The following NXN variants were observed in gnomAD, a reference collection of about 807,000 sequenced individuals.
The protein encoded by NXN is nucleoredoxin, also known as nucleoredoxin 1.
NXN carries 16 observed loss-of-function variants against 48.6 expected under a neutral mutation model. The ratio of observed to expected loss-of-function variants is 0.33; its 90% CI spans 0.22 to 0.50. NXN has a LOEUF of 0.50. Among genes scored for constraint, NXN ranks in the 20% least tolerant of loss-of-function variants. NXN has a pLI of 0.98. For missense variants in NXN, 492 were observed against 605.5 expected (o/e 0.81, Z 1.97); for synonymous variants, 281 against 269.6 (o/e 1.04, Z -0.41).
chr17:933,856 A>G (rs2068878621), intron 1 of NXN, among the ~76,000 whole-genome samples: 1 of 152,094 alleles, frequency 6.6e-6, no homozygotes, highest in Admixed American at 6.6e-5. Flanking sequence ...ATACCAGAAC[A>G]CTTATCAATT....
At chr17:813,127 CAG>C (rs530161516) in intron 5 of NXN, among the ~76,000 whole-genome samples, 4 of 152,372 alleles carry the variant, frequency 2.6e-5, no homozygotes, top group South Asian at 2.1e-4. Context: ...CACAAAAGCT[CAG>C]AAATATTCAG....
chr17:931,426 C>G (rs2068852048), intron 1 of NXN, among the ~76,000 whole-genome samples: 1 of 150,958 alleles, frequency 6.6e-6, no homozygotes, highest in Admixed American at 6.6e-5. Context: ...GCACTCCAGC[C>G]TGGTGACAGA....
intron 1 of NXN, among the ~76,000 whole-genome samples, chr17:852,380 C>T (rs2067933466): frequency 6.6e-6 from 1 of 152,120 alleles, no homozygotes; most frequent in Admixed American, 6.6e-5. Context: ...TCCCTGGGAC[C>T]CCCCGTGCCC....
chr17:806,075 C>T (rs1471279936), intron 5 of NXN, among the ~76,000 whole-genome samples: 9 of 151,786 alleles, frequency 5.9e-5, no homozygotes, highest in Admixed American at 5.3e-4. Context: ...TGAGGCTGGC[C>T]GCACCGGAGA....
intron 4 of NXN, 26 bp downstream of exon 4, chr17:822,331 G>A (rs1202125640): frequency 6.6e-7 from 1 of 1,524,984 alleles, no homozygotes. Context: ...CAGAAAAGGG[G>A]CCCAGCACTT....
At chr17:918,994 G>GT (rs2068718258) in intron 1 of NXN, among the ~76,000 whole-genome samples, 1 of 151,874 alleles carries the variant, frequency 6.6e-6, no homozygotes, top group South Asian at 2.1e-4. Context: ...GAGGCCAGGA[G>GT]TTTGAGGCTG....
At position 954,597 on chromosome 17, in the gene NXN, G is replaced by C. The variant is rs367758916; in HGVS notation, c.360+24722C>G. Among the ~76,000 whole-genome samples, 10 of 152,328 alleles carry C rather than the reference G, an allele frequency of 6.6e-5. No homozygotes were observed. In the East Asian group the frequency reaches 9.7e-4, roughly 15 times the overall value. On this transcript the variant is annotated intron_variant, in intron 1 of 7. Coordinates refer to ENST00000336868, the MANE Select transcript of NXN (RefSeq NM_022463.5). ...TCCAGTGACTTCCTCAGAGCAACAG[G>C]GCTGATTCCCACGACCCCAGGCCCC...
intron 5 of NXN, among the ~76,000 whole-genome samples, chr17:817,561 G>C (rs1258514345): frequency 2.6e-5 from 4 of 151,970 alleles, no homozygotes; most frequent in African/African-American, 4.8e-5. Context: ...CCCAGCTACT[G>C]GGGAGGCTGA....
At chr17:889,270 C>A (rs1383661542) in intron 1 of NXN, among the ~76,000 whole-genome samples, 1 of 152,236 alleles carries the variant, frequency 6.6e-6, no homozygotes, top group Non-Finnish European at 1.5e-5. Context: ...AAGCCCAGCA[C>A]CTGCACGTGC....
chr17:876,302 C>G (rs1387222597), intron 1 of NXN, among the ~76,000 whole-genome samples: 1 of 151,094 alleles, frequency 6.6e-6, no homozygotes, highest in African/African-American at 2.5e-5. Flanking sequence ...AAAAGGCAGG[C>G]TCCCAAAGTG....
chr17:910,076 A>G (rs1458817253), intron 1 of NXN: 1 of 152,212 alleles, frequency 6.6e-6, no homozygotes, highest in Non-Finnish European at 1.5e-5. Context: ...TCTAGGTTGA[A>G]GCAACATCCT....
At chr17:959,900 C>T (rs1026214888) in intron 1 of NXN, among the ~76,000 whole-genome samples, 2 of 151,840 alleles carry the variant, frequency 1.3e-5, no homozygotes, top group African/African-American at 2.4e-5. Flanking sequence ...CCAGACCAGC[C>T]GGGCCAACAC....
chr17:937,405 C>G (rs1296002871), intron 1 of NXN, among the ~76,000 whole-genome samples: 1 of 152,092 alleles, frequency 6.6e-6, no homozygotes, highest in African/African-American at 2.4e-5. Flanking sequence ...GAACTCAGGA[C>G]ACAAGGAACA....
intron 5 of NXN, among the ~76,000 whole-genome samples, chr17:818,886 A>AAAAAAAAAAAAAT (rs1222070367): frequency 6.7e-6 from 1 of 150,254 alleles, no homozygotes; most frequent in Admixed American, 6.7e-5. Flanking sequence ...CTCCGTCTCA[A>AAAAAAAAAAAAAT]AAAAAAAAAG....
intron 1 of NXN, among the ~76,000 whole-genome samples, chr17:890,780 G>A (rs938626039): frequency 1.2e-4 from 18 of 152,042 alleles, no homozygotes; most frequent in African/African-American, 4.3e-4. Context: ...TTTACGAAAA[G>A]AAACATCTCT....
At position 918,011 on chromosome 17, in the gene NXN, C is replaced by T. The variant is rs191170820; in HGVS notation, c.360+61308G>A. ...GGCAGGGCCCGGCACATCACAAAAACTCACTCCGTATTTGCAGCATAAAGG... is the reference window on the plus strand; with the variant it reads ...GGCAGGGCCCGGCACATCACAAAAATTCACTCCGTATTTGCAGCATAAAGG... On this transcript the variant is annotated intron_variant, in intron 1 of 7. Transcript: ENST00000336868. Among the ~76,000 whole-genome samples the T allele has an allele frequency of 1.8e-4, 28 of 152,318 alleles. No homozygotes were observed. The East Asian group carries it at 3.7e-3, about 20-fold the overall frequency.
intron 1 of NXN, among the ~76,000 whole-genome samples, chr17:933,804 G>A (rs528415567): frequency 6.6e-6 from 1 of 152,184 alleles, no homozygotes; most frequent in East Asian, 1.9e-4. Context: ...ATGTGCCTTC[G>A]TGTAAGCTGG....
chr17:826,629 G>A (rs1159277885), intron 1 of NXN, among the ~76,000 whole-genome samples: 1 of 152,206 alleles, frequency 6.6e-6, no homozygotes, highest in Non-Finnish European at 1.5e-5. Context: ...AGAAGAGACG[G>A]GTTTTCTGAC....
intron 1 of NXN, among the ~76,000 whole-genome samples, chr17:940,873 T>A (rs572731467): frequency 2.7e-5 from 4 of 149,862 alleles, no homozygotes; most frequent in Admixed American, 2.0e-4. Context: ...GGTGCAGCCA[T>A]GAATTCACCA....
Sources: allele counts gnomAD v4.1 joint callset (sites outside exome capture counted in the v4.1 genomes callset), GRCh38; gene constraint gnomAD v4.1.1; transcripts MANE v1.5; gene names NCBI Gene and HGNC (gene_info 2026-07-23, HGNC 2026-07-21).